The following PDE1A variants were observed in gnomAD, a reference collection of about 807,000 sequenced individuals.
PDE1A encodes the protein dual specificity calcium/calmodulin-dependent 3',5'-cyclic nucleotide phosphodiesterase 1A.
PDE1A carries 35 observed loss-of-function variants against 61.7 expected under a neutral mutation model. That is an observed-to-expected ratio of 0.57 (90% confidence interval 0.43 to 0.75). PDE1A has a LOEUF of 0.75. Ranked by LOEUF, PDE1A falls within the 30% of genes least tolerant of loss-of-function variation. The pLI, the probability that PDE1A is intolerant of heterozygous loss-of-function variation, is 0.00. For synonymous variants in PDE1A, 232 were observed against 213.2 expected (o/e 1.09, Z -0.77); for missense variants, 597 against 630.6 (o/e 0.95, Z 0.57).
the PDE1A span, among the ~76,000 whole-genome samples, chr2:182,608,740 C>T: frequency 6.6e-6 from 1 of 152,230 alleles, no homozygotes; most frequent in Non-Finnish European, 1.5e-5. Context: ...CCCTGCTCCA[C>T]GGCGCCCAGT....
At chr2:182,349,164 G>A (rs1698706207) in intron 1 of PDE1A, among the ~76,000 whole-genome samples, 1 of 152,138 alleles carries the variant, frequency 6.6e-6, no homozygotes. Flanking sequence ...GATGCCAGGA[G>A]AAGTATTTCA....
intron 13 of PDE1A, among the ~76,000 whole-genome samples, chr2:182,161,191 G>C (rs1046065138): frequency 6.6e-6 from 1 of 152,246 alleles, no homozygotes; most frequent in Non-Finnish European, 1.5e-5. Context: ...ATTTCTAAGT[G>C]TGTCCTGAAG....
the PDE1A span, among the ~76,000 whole-genome samples, chr2:182,600,810 C>T: frequency 6.6e-6 from 1 of 152,104 alleles, no homozygotes; most frequent in Non-Finnish European, 1.5e-5. Context: ...TATCCTTTTC[C>T]TTGATTATCC....
At chr2:182,648,702 TA>T in the PDE1A span, among the ~76,000 whole-genome samples, 889 of 122,898 alleles carry the variant, frequency 7.2e-3, 3 homozygotes, top group Admixed American at 8.6e-3. Context: ...CCTGTCTCTT[TA>T]AAAAAAAAAA....
intron 7 of PDE1A, among the ~76,000 whole-genome samples, chr2:182,209,959 CTT>C (rs1386707608): frequency 6.6e-6 from 1 of 152,158 alleles, no homozygotes; most frequent in African/African-American, 2.4e-5. Flanking sequence ...TCCTTCATGT[CTT>C]TTCACCGATT....
chr2:182,218,285 G>A (rs1462404518), intron 7 of PDE1A, among the ~76,000 whole-genome samples: 4 of 113,948 alleles, frequency 3.5e-5, no homozygotes, highest in Non-Finnish European at 7.0e-5. Context: ...CGGGGGAGGG[G>A]GGAGGGATAG....
At chr2:182,388,237 G>A (rs561015543) in intron 1 of PDE1A, among the ~76,000 whole-genome samples, 8 of 151,924 alleles carry the variant, frequency 5.3e-5, no homozygotes, top group Non-Finnish European at 1.2e-4. Context: ...TAATAGTAGG[G>A]GATATCAACA....
chr2:182,424,795 A>C (rs1703501163), intron 1 of PDE1A, among the ~76,000 whole-genome samples: 1 of 152,220 alleles, frequency 6.6e-6, no homozygotes, highest in African/African-American at 2.4e-5. Flanking sequence ...CCAACTGTCA[A>C]TGTGCCAGAT....
chr2:182,229,981 A>T (rs1407887495), intron 6 of PDE1A, 25 bp downstream of exon 6: 1 of 1,588,540 alleles, frequency 6.3e-7, no homozygotes, highest in Non-Finnish European at 8.6e-7. Context: ...AAACTAACAA[A>T]CCTCAGTTAC....
At chr2:182,251,247 G>A (rs543127104) in intron 2 of PDE1A, among the ~76,000 whole-genome samples, 2 of 152,252 alleles carry the variant, frequency 1.3e-5, no homozygotes, top group Non-Finnish European at 2.9e-5. Flanking sequence ...TTTCATCCGC[G>A]TGAGACTTAG....
At chr2:182,351,465 C>T (rs904800089) in intron 1 of PDE1A, among the ~76,000 whole-genome samples, 1 of 152,026 alleles carries the variant, frequency 6.6e-6, no homozygotes, top group South Asian at 2.1e-4. Flanking sequence ...TCTTTTAGGA[C>T]CTGATTATCA....
the PDE1A span, among the ~76,000 whole-genome samples, chr2:182,611,055 A>G: frequency 6.6e-6 from 1 of 152,180 alleles, no homozygotes; most frequent in Non-Finnish European, 1.5e-5. Flanking sequence ...ATCCAGGTAA[A>G]TTCTTTAGAT....
At chr2:182,496,917 T>C (rs1312103187) in intron 2 of PDE1A, among the ~76,000 whole-genome samples, 2 of 152,216 alleles carry the variant, frequency 1.3e-5, no homozygotes, top group Non-Finnish European at 2.9e-5. Context: ...CCTTTCTGTT[T>C]CAAATACCAG....
At chr2:182,601,816 T>C in the PDE1A span, among the ~76,000 whole-genome samples, 1 of 152,314 alleles carries the variant, frequency 6.6e-6, no homozygotes, top group South Asian at 2.1e-4. Context: ...TCTCTGCTGC[T>C]GGTCATTCCA....
chr2:182,530,122 C>T, the PDE1A span, among the ~76,000 whole-genome samples: 1 of 152,182 alleles, frequency 6.6e-6, no homozygotes, highest in African/African-American at 2.4e-5. Flanking sequence ...ATTCAGGCTT[C>T]TGCTTCTAAA....
At chr2:182,558,440 T>C in the PDE1A span, among the ~76,000 whole-genome samples, 1 of 152,146 alleles carries the variant, frequency 6.6e-6, no homozygotes, top group Non-Finnish European at 1.5e-5. Flanking sequence ...CAGTCTGTAA[T>C]AATATAAAAT....
At chr2:182,212,528 C>T (rs1687715805) in intron 7 of PDE1A, among the ~76,000 whole-genome samples, 1 of 152,146 alleles carries the variant, frequency 6.6e-6, no homozygotes, top group Non-Finnish European at 1.5e-5. Flanking sequence ...GTAGGGAGTG[C>T]CAGACAGTGG....
chr2:182,622,836 G>C, the PDE1A span, among the ~76,000 whole-genome samples: 1 of 152,120 alleles, frequency 6.6e-6, no homozygotes, highest in Non-Finnish European at 1.5e-5. Flanking sequence ...AATAAGCACA[G>C]AGTCAACAGC....
the PDE1A span, among the ~76,000 whole-genome samples, chr2:182,693,629 A>G: frequency 2.1e-5 from 3 of 143,508 alleles, no homozygotes; most frequent in African/African-American, 7.6e-5. Context: ...CACTTTCTTG[A>G]TAGTGTTCTT....
Sources: allele counts gnomAD v4.1 joint callset (sites outside exome capture counted in the v4.1 genomes callset), GRCh38; gene constraint gnomAD v4.1.1; transcripts MANE v1.5; gene names NCBI Gene and HGNC (gene_info 2026-07-23, HGNC 2026-07-21).